ZNF622: variants seen among roughly 807,000 people sequenced by gnomAD.
The protein encoded by ZNF622 is zinc finger protein 622.
Under a neutral mutation model 49.7 loss-of-function variants are expected in ZNF622, and 34 were observed. That is an observed-to-expected ratio of 0.68 (90% confidence interval 0.52 to 0.91). The LOEUF is 0.91. Ranked by LOEUF, ZNF622 falls within the 40% of genes least tolerant of loss-of-function variation. The probability of loss-of-function intolerance (pLI) is 0.00; values close to 1 mark genes in which losing one functional copy is unlikely to be tolerated. For synonymous variants in ZNF622, 209 were observed against 228.7 expected, an observed-to-expected ratio of 0.91 and a Z score of 0.78; for missense variants, 569 against 616.4, an observed-to-expected ratio of 0.92 and a Z score of 0.81.
chr5:16,457,701 C>T lies in ZNF622; in HGVS notation c.1162+816G>A, dbSNP rs577990977. Among the ~76,000 whole-genome samples, 3 of 152,286 alleles carry T rather than the reference C, an allele frequency of 2.0e-5. No individual in the cohort carries two copies. The South Asian group carries it at 6.2e-4, about 32-fold the overall frequency. Reference sequence around the variant, plus strand: ...CCACCAGCAGGGTGTGTTGTTCCTGCCTGCACCGTTACTGCAAATCTCCCA... The same window carrying T: ...CCACCAGCAGGGTGTGTTGTTCCTGTCTGCACCGTTACTGCAAATCTCCCA... On this transcript the variant is annotated intron_variant, in intron 4 of 5. Transcript: ENST00000308683.
At chr5:16,458,856 T>A (rs949905603) in intron 3 of ZNF622, among the ~76,000 whole-genome samples, 3 of 152,248 alleles carry the variant, frequency 2.0e-5, no homozygotes, top group African/African-American at 7.2e-5. Flanking sequence ...TATTTGTTTT[T>A]CCCTAGAAAG....
At position 16,465,785 on chromosome 5, in the gene ZNF622, CT is replaced by C; in HGVS notation, c.-121del. On this transcript the variant is annotated 5_prime_UTR_variant, in exon 1 of 6. Coordinates refer to ENST00000308683, the MANE Select transcript of ZNF622 (RefSeq NM_033414.3). This position sits in a 1 kb window ranked among gnomAD's most constrained non-coding sequence, Gnocchi z 6.2. ...CAGGAAGAGCCACTCGACACGCCGA[CT>C]TCCTGATTGTCACTGAGGAAACTTC... is the stretch of plus-strand genomic sequence containing the variant. The C allele has an allele frequency of 7.5e-7, 1 of 1,334,410 alleles. No homozygotes were observed. Among genetic ancestry groups the C allele is most frequent in the Non-Finnish European group, 1.0e-6 (1 of 983,304 alleles). The allele number at this position is 1,334,410 out of a possible 1,614,324, so 82.7% of individuals were successfully genotyped here.
intron 3 of ZNF622, among the ~76,000 whole-genome samples, chr5:16,460,855 A>AAG (rs1738110202): frequency 6.6e-6 from 1 of 152,246 alleles, no homozygotes; most frequent in Admixed American, 6.5e-5. Context: ...CGTTTCCATC[A>AAG]GTTACATATT....
chr5:16,465,782 C>T lies in ZNF622; in HGVS notation c.-117G>A, dbSNP rs1738213489. Reference sequence around the variant, plus strand: ...AGCCAGGAAGAGCCACTCGACACGCCGACTTCCTGATTGTCACTGAGGAAA... The same window carrying T: ...AGCCAGGAAGAGCCACTCGACACGCTGACTTCCTGATTGTCACTGAGGAAA... On this transcript the variant is annotated 5_prime_UTR_variant, in exon 1 of 6. Coordinates refer to ENST00000308683, the MANE Select transcript of ZNF622 (RefSeq NM_033414.3). This position sits in a 1 kb window ranked among gnomAD's most constrained non-coding sequence, Gnocchi z 6.2. The T allele has an allele frequency of 8.1e-6, 11 of 1,353,638 alleles. No homozygotes were observed. The highest frequency in any genetic ancestry group is 1.1e-5 in the Non-Finnish European group (11 of 999,646). The allele number at this position is 1,353,638 out of a possible 1,614,324, so 83.9% of individuals were successfully genotyped here. A position where few individuals can be genotyped will look rare whatever the true frequency, so the allele number is the denominator to read the frequency against.
At chr5:16,458,439 G>A in intron 4 of ZNF622, 78 bp downstream of exon 4, 2 of 1,006,088 alleles carry the variant, frequency 2.0e-6, no homozygotes, top group South Asian at 2.9e-5. Context: ...CCCTCAGTAT[G>A]GAAAGTAATT....
intron 1 of ZNF622, 84 bp downstream of exon 1, chr5:16,464,957 A>G: frequency 6.6e-7 from 1 of 1,505,384 alleles, no homozygotes; most frequent in Admixed American, 2.3e-5. Flanking sequence ...AAACACACAC[A>G]CACACCCATC....
chr5:16,458,549 T>C lies in ZNF622; in HGVS notation c.1130A>G (p.Asp377Gly), dbSNP rs762271771. 17 of 1,613,672 alleles carry C rather than the reference T, an allele frequency of 1.1e-5. No homozygotes were observed. The highest frequency in any genetic ancestry group is 1.4e-5 in the Non-Finnish European group (16 of 1,179,778). The change falls in exon 4 of 6, where the codon GAT becomes GGT. Residue 377 changes from aspartate (D) to glycine (G), a missense_variant. Asp to Gly is a moderately conservative substitution (Grantham distance 94). Coordinates refer to ENST00000308683, the MANE Select transcript of ZNF622 (RefSeq NM_033414.3). ...CAGAATCAATTCCATGGTTTCATCA[T>C]CATATTCCAAGTTCTTTTCTGAGGG... ...ELPSEKNLEYDDETMELILPS... is the reference protein window; with the variant it reads ...ELPSEKNLEYGDETMELILPS...
At chr5:16,457,050 C>G (rs1448093808) in intron 4 of ZNF622, among the ~76,000 whole-genome samples, 1 of 151,890 alleles carries the variant, frequency 6.6e-6, no homozygotes, top group African/African-American at 2.4e-5. Flanking sequence ...ACTCAGTCAC[C>G]CAGGACAAAG....
Position 16,453,070 on chromosome 5 carries a change from T to C in ZNF622, c.1249A>G (p.Lys417Glu). The stretch of plus-strand genomic sequence containing the variant: ...TGCTGAAGTACTCGGCCCACGGCCT[T>C]CCGATTTTTGGCAACTGCCACAGCT... ...SRAVAVAKNR[K>E]AVGRVLQQYR... Residue 417 changes from lysine to glutamate, a missense_variant, in exon 5 of 6, where the codon AAG becomes GAG. Transcript: ENST00000308683. 1 of 1,587,162 alleles carries C rather than the reference T, an allele frequency of 6.3e-7. No homozygotes were observed. The highest frequency in any genetic ancestry group is 8.6e-7 in the Non-Finnish European group (1 of 1,163,940).
At chr5:16,455,099 A>G (rs886133810) in intron 4 of ZNF622, among the ~76,000 whole-genome samples, 1 of 152,256 alleles carries the variant, frequency 6.6e-6, no homozygotes, top group Admixed American at 6.5e-5. Flanking sequence ...GATATTTAAC[A>G]ACAGCATATA....
At chr5:16,464,777 A>C (rs1258505864) in intron 1 of ZNF622, among the ~76,000 whole-genome samples, 1 of 152,236 alleles carries the variant, frequency 6.6e-6, no homozygotes, top group Non-Finnish European at 1.5e-5. Flanking sequence ...AAAACACAGA[A>C]GGCATCAATT....
chr5:16,460,757 A>C (rs1343410106), intron 3 of ZNF622, among the ~76,000 whole-genome samples: 7 of 152,148 alleles, frequency 4.6e-5, no homozygotes, highest in Non-Finnish European at 2.9e-5. Flanking sequence ...TTTAGGAAGA[A>C]AAGTTCATAT....
intron 3 of ZNF622, among the ~76,000 whole-genome samples, chr5:16,460,260 T>G (rs975128682): frequency 2.0e-5 from 3 of 152,246 alleles, no homozygotes; most frequent in African/African-American, 7.2e-5. Context: ...GACAAAATTT[T>G]TTTCGAATAC....
Position 16,465,267 on chromosome 5 carries a change from C to T in ZNF622, c.399G>A (p.Gln133=). Residue 133 remains glutamine, a synonymous_variant, in exon 1 of 6, where the codon CAG becomes CAA. Coordinates refer to ENST00000308683, the MANE Select transcript of ZNF622 (RefSeq NM_033414.3). This position sits in a 1 kb window ranked among gnomAD's most constrained non-coding sequence, Gnocchi z 6.2. ...TGGACGGCTGGGCCTTGATGGCCTG[C>T]TGGATGGCCGCGTTCATGGCATCCT... ...VDKDAMNAAI[Q]QAIKAQPSMS... The T allele has an allele frequency of 6.2e-7, 1 of 1,614,248 alleles. No homozygotes were observed. Among genetic ancestry groups the T allele is most frequent in the South Asian group, 1.1e-5 (1 of 91,090 alleles).
At chr5:16,458,349 A>G (rs1738066612) in intron 4 of ZNF622, among the ~76,000 whole-genome samples, 168 bp downstream of exon 4, 1 of 152,168 alleles carries the variant, frequency 6.6e-6, no homozygotes, top group African/African-American at 2.4e-5. Context: ...AAAACAGGCA[A>G]CTTAGAGCTG....
chr5:16,458,480 T>C, intron 4 of ZNF622, 37 bp downstream of exon 4: 2 of 1,396,392 alleles, frequency 1.4e-6, no homozygotes, highest in Non-Finnish European at 2.0e-6. Context: ...TCAATCCCAC[T>C]GGCATTAAGC....
chr5:16,456,875 CA>C (rs5866186), intron 4 of ZNF622, among the ~76,000 whole-genome samples: 67,559 of 146,814 alleles, frequency 0.46, 15,376 homozygotes, highest in Middle Eastern at 0.51. Flanking sequence ...TAAATGAATA[CA>C]AAAAAAAAAA....
Position 16,465,455 on chromosome 5 carries a change from C to T in ZNF622, c.211G>A (p.Val71Ile), listed in dbSNP as rs371022312. ...AAAGAGGCAAACTTCTTACTGCAAA[C>T]GGTGCAGTAGGTGGCCGAGCCCTTG... ...ESKGSATYCTVCSKKFASFNA... is the reference protein window; with the variant it reads ...ESKGSATYCTICSKKFASFNA... The change falls in exon 1 of 6, where the codon GTT (valine) becomes ATT (isoleucine). Residue 71 changes from valine (V) to isoleucine (I), a missense_variant. By Grantham distance (29) the Val-to-Ile change is conservative (BLOSUM62 3). Transcript: ENST00000308683. The surrounding 1 kb of genome is among the most constrained non-coding windows in gnomAD (Gnocchi z 6.2). 2.5e-6 allele frequency: 4 copies of T among 1,614,150 alleles called. No individual in the cohort carries two copies. In the African/African-American group the frequency reaches 5.3e-5, roughly 22 times the overall value.
rs755281913 is a variant in ZNF622 at position 16,465,146 on chromosome 5, T to A, written c.520A>T (p.Ser174Cys). The change falls in exon 1 of 6, where the codon AGT becomes TGT. Residue 174 changes from serine to cysteine, a missense_variant. Coordinates refer to ENST00000308683, the MANE Select transcript of ZNF622 (RefSeq NM_033414.3). This position sits in a 1 kb window ranked among gnomAD's most constrained non-coding sequence, Gnocchi z 6.2. ...CACTGGAGCCGGGGTGGTTTCTCAC[T>A]CGGGTCTCGGTCGTGGGTCCCACGG... ...GGRGTHDRDPSEKPPRLQWFE... is the reference protein window; with the variant it reads ...GGRGTHDRDPCEKPPRLQWFE... 1.1e-5 allele frequency: 17 copies of A among 1,614,044 alleles called. No individual in the cohort carries two copies. Among genetic ancestry groups the A allele is most frequent in the Non-Finnish European group, 1.4e-5 (17 of 1,180,022 alleles).
Sources: allele counts gnomAD v4.1 joint callset (sites outside exome capture counted in the v4.1 genomes callset), GRCh38; gene constraint gnomAD v4.1.1; non-coding constraint Gnocchi (gnomAD v3.1); transcripts MANE v1.5; gene names NCBI Gene and HGNC (gene_info 2026-07-23, HGNC 2026-07-21).